The following GPHN variants were observed in gnomAD, a reference collection of about 807,000 sequenced individuals.
GPHN encodes the protein gephyrin.
GPHN carries 17 observed loss-of-function variants against 95.5 expected under a neutral mutation model. The observed-to-expected ratio is 0.18, with a 90% CI of 0.12 to 0.27. The LOEUF is 0.27. GPHN is among the 10% of genes least tolerant of loss of function. GPHN has a pLI of 1.00. For synonymous variants in GPHN, 320 were observed against 322.5 expected, an observed-to-expected ratio of 0.99 and a Z score of 0.08; for missense variants, 660 against 978.1, an observed-to-expected ratio of 0.67 and a Z score of 4.34.
the GPHN span, among the ~76,000 whole-genome samples, chr14:67,359,182 C>G: frequency 6.6e-6 from 1 of 152,178 alleles, no homozygotes; most frequent in African/African-American, 2.4e-5. Context: ...TAGGGCGATT[C>G]GATTCCATCC....
chr14:66,703,569 T>C (rs1189447437), intron 2 of GPHN, among the ~76,000 whole-genome samples: 2 of 108,876 alleles, frequency 1.8e-5, no homozygotes, highest in Admixed American at 1.0e-4. Flanking sequence ...AGGAGATCCT[T>C]TCCAGAGAAG....
At chr14:67,062,665 T>A (rs2075872391) in intron 11 of GPHN, among the ~76,000 whole-genome samples, 1 of 152,096 alleles carries the variant, frequency 6.6e-6, no homozygotes. Context: ...GAGGGTAACT[T>A]GAGATCAAAT....
chr14:66,662,384 G>A (rs890343321), intron 1 of GPHN, among the ~76,000 whole-genome samples: 4 of 152,088 alleles, frequency 2.6e-5, no homozygotes, highest in Admixed American at 2.6e-4. Flanking sequence ...GAAAACCTAA[G>A]GCGACTAGGG....
intron 1 of GPHN, among the ~76,000 whole-genome samples, chr14:66,611,023 G>A (rs1455477248): frequency 6.6e-6 from 1 of 152,112 alleles, no homozygotes; most frequent in Non-Finnish European, 1.5e-5. Context: ...TTACAAGAAA[G>A]TGCACAGATG....
intron 1 of GPHN, among the ~76,000 whole-genome samples, chr14:66,673,097 T>A (rs768690105): frequency 1.2e-4 from 18 of 152,092 alleles, no homozygotes; most frequent in Non-Finnish European, 2.1e-4. Context: ...AATTTTTATT[T>A]TTATTATTTT....
At chr14:66,794,302 GCT>G (rs2060083017) in intron 3 of GPHN, among the ~76,000 whole-genome samples, 1 of 152,048 alleles carries the variant, frequency 6.6e-6, no homozygotes, top group Non-Finnish European at 1.5e-5. Flanking sequence ...CTTCCCACTT[GCT>G]CTCTCATGCT....
At chr14:67,250,279 T>A in the GPHN span, among the ~76,000 whole-genome samples, 3 of 152,224 alleles carry the variant, frequency 2.0e-5, no homozygotes, top group African/African-American at 7.2e-5. Context: ...GCATTAACAA[T>A]TTATTCTTTT....
intron 11 of GPHN, among the ~76,000 whole-genome samples, chr14:67,066,623 G>A (rs779593968): frequency 5.3e-5 from 8 of 151,920 alleles, no homozygotes; most frequent in East Asian, 1.9e-4. Flanking sequence ...GGCTTTGTTC[G>A]TTTCTTTTTA....
chr14:67,286,140 A>T, the GPHN span, among the ~76,000 whole-genome samples: 1 of 152,340 alleles, frequency 6.6e-6, no homozygotes, highest in Admixed American at 6.5e-5. Context: ...TTACTACCAA[A>T]GCTAGATTTG....
the GPHN span, among the ~76,000 whole-genome samples, chr14:67,377,705 C>T: frequency 1.3e-5 from 2 of 152,242 alleles, no homozygotes; most frequent in South Asian, 4.1e-4. Flanking sequence ...ATTGCTTTTA[C>T]TCCATCAGCA....
intron 2 of GPHN, among the ~76,000 whole-genome samples, chr14:66,717,146 G>T (rs1053754783): frequency 1.3e-5 from 2 of 152,120 alleles, no homozygotes; most frequent in African/African-American, 4.8e-5. Flanking sequence ...CTTAGGTTTG[G>T]TCGTTGAGCA....
intron 3 of GPHN, among the ~76,000 whole-genome samples, chr14:66,797,481 AT>A (rs1322860324): frequency 6.6e-6 from 1 of 151,734 alleles, no homozygotes; most frequent in Non-Finnish European, 1.5e-5. Flanking sequence ...ATATGTTTAT[AT>A]TTTTTATCTC....
chr14:66,842,689 A>G (rs1358778968), intron 4 of GPHN: 2 of 1,534,872 alleles, frequency 1.3e-6, no homozygotes, highest in Non-Finnish European at 1.7e-6. Context: ...AATTCCCAAC[A>G]TTCCCATTTT....
chr14:66,603,559 G>T (rs1356652617), intron 1 of GPHN, among the ~76,000 whole-genome samples: 1 of 151,896 alleles, frequency 6.6e-6, no homozygotes, highest in Non-Finnish European at 1.5e-5. Flanking sequence ...ATTATGAACT[G>T]TTATGCTAAG....
At chr14:67,677,416 C>T in the GPHN span, 4 of 102,016 alleles carry the variant, frequency 3.9e-5, no homozygotes, top group South Asian at 3.4e-4. Flanking sequence ...TTGTTAAGAC[C>T]TCATCAGTCC....
chr14:66,813,057 T>G (rs1410820413), intron 3 of GPHN, among the ~76,000 whole-genome samples: 1 of 152,242 alleles, frequency 6.6e-6, no homozygotes, highest in Non-Finnish European at 1.5e-5. Flanking sequence ...ACTGACAGTC[T>G]GATTCCTTTA....
At chr14:66,652,253 T>C (rs2065079035) in intron 1 of GPHN, among the ~76,000 whole-genome samples, 1 of 152,138 alleles carries the variant, frequency 6.6e-6, no homozygotes, top group Non-Finnish European at 1.5e-5. Context: ...ATTTGCAAAA[T>C]ATTCACTTCA....
the GPHN span, among the ~76,000 whole-genome samples, chr14:67,718,841 G>A: frequency 2.6e-5 from 4 of 151,512 alleles, no homozygotes; most frequent in Non-Finnish European, 2.9e-5. Flanking sequence ...AGAATGTCTC[G>A]ATACCAGTTT....
chr14:67,518,422 TGCTTA>T, the GPHN span, among the ~76,000 whole-genome samples: 13 of 152,240 alleles, frequency 8.5e-5, no homozygotes, highest in South Asian at 2.7e-3. Flanking sequence ...GCATATAAGG[TGCTTA>T]GCATAGTGCC....
Sources: allele counts gnomAD v4.1 joint callset (sites outside exome capture counted in the v4.1 genomes callset), GRCh38; gene constraint gnomAD v4.1.1; transcripts MANE v1.5; gene names NCBI Gene and HGNC (gene_info 2026-07-23, HGNC 2026-07-21).